CFAP299: variants seen among roughly 807,000 people sequenced by gnomAD.
CFAP299 encodes the protein cilia- and flagella-associated protein 299.
In CFAP299, 21 loss-of-function variants were observed where a neutral mutation model predicts 27.0. The ratio of observed to expected loss-of-function variants is 0.78; its 90% CI spans 0.55 to 1.12. The LOEUF is 1.12. CFAP299 is among the 50% of genes most tolerant of loss of function. The pLI is 0.00. For missense variants in CFAP299, 310 were observed against 276.6 expected, an observed-to-expected ratio of 1.12 and a Z score of -0.86; for synonymous variants, 104 against 98.1, an observed-to-expected ratio of 1.06 and a Z score of -0.36.
intron 3 of CFAP299, among the ~76,000 whole-genome samples, chr4:80,748,239 G>A (rs1017027481): frequency 1.3e-5 from 2 of 152,012 alleles, no homozygotes; most frequent in Admixed American, 6.6e-5. Context: ...CTAAGTTATC[G>A]ACAGATTGAT....
At chr4:80,481,009 T>G (rs914140551) in intron 2 of CFAP299, among the ~76,000 whole-genome samples, 2 of 152,026 alleles carry the variant, frequency 1.3e-5, no homozygotes, top group Non-Finnish European at 2.9e-5. Context: ...CATATAATGT[T>G]TTATACCATT....
chr4:80,712,704 A>G (rs913811970), intron 3 of CFAP299, among the ~76,000 whole-genome samples: 3 of 152,214 alleles, frequency 2.0e-5, no homozygotes, highest in Non-Finnish European at 2.9e-5. Flanking sequence ...ATGAATTAGT[A>G]TGTTTTTCCC....
chr4:80,381,105 T>A (rs1446608344), intron 2 of CFAP299, among the ~76,000 whole-genome samples: 1 of 152,224 alleles, frequency 6.6e-6, no homozygotes, highest in African/African-American at 2.4e-5. Flanking sequence ...CAAGCATGTC[T>A]GTTCTTCTGG....
At chr4:80,882,808 T>C (rs912023467) in intron 4 of CFAP299, among the ~76,000 whole-genome samples, 4 of 151,750 alleles carry the variant, frequency 2.6e-5, no homozygotes, top group Non-Finnish European at 5.9e-5. Flanking sequence ...CCAAAAATAA[T>C]ATACGAGCAA....
chr4:80,751,075 G>T (rs554066219), intron 3 of CFAP299, among the ~76,000 whole-genome samples: 8 of 152,248 alleles, frequency 5.3e-5, no homozygotes, highest in Admixed American at 5.2e-4. Flanking sequence ...AGGTGTTGTG[G>T]TCATCTGGAA....
At chr4:80,801,982 G>A (rs1030274200) in intron 3 of CFAP299, among the ~76,000 whole-genome samples, 1 of 151,966 alleles carries the variant, frequency 6.6e-6, no homozygotes, top group Non-Finnish European at 1.5e-5. Context: ...ATGTTGTTTT[G>A]TCTCTAAAAA....
At chr4:80,331,244 T>C (rs1038086164), upstream of CFAP299, among the ~76,000 whole-genome samples, 5 of 152,172 alleles carry the variant, frequency 3.3e-5, no homozygotes, top group African/African-American at 1.2e-4. Context: ...ACATGTAACG[T>C]GTGCAGTAGA....
intron 3 of CFAP299, among the ~76,000 whole-genome samples, chr4:80,670,609 T>C (rs1188954198): frequency 6.6e-6 from 1 of 152,206 alleles, no homozygotes; most frequent in East Asian, 1.9e-4. Context: ...CTACCAATAG[T>C]GTAAAGGCGG....
Position 80,962,988 on chromosome 4 carries a change from T to A in CFAP299, c.607-529T>A, listed in dbSNP as rs28502492. On this transcript the variant is annotated intron_variant, in intron 5 of 5. Transcript: ENST00000358105. ...CTATGCTAATTTTTTTTAAAAAAGA[T>A]GAAATCCTTTTAAAAGGTTATAATT... Among the ~76,000 whole-genome samples the A allele has an allele frequency of 5.4e-3, 826 of 151,980 alleles. 8 individuals carry two copies. Among genetic ancestry groups the A allele is most frequent in the African/African-American group, 0.019 (792 of 41,494 alleles).
At chr4:80,716,031 A>G (rs1722459726) in intron 3 of CFAP299, among the ~76,000 whole-genome samples, 1 of 152,072 alleles carries the variant, frequency 6.6e-6, no homozygotes, top group Admixed American at 6.6e-5. Flanking sequence ...AAAATCCTTC[A>G]AACTAACTAG....
At chr4:80,478,159 A>G (rs1195399915) in intron 2 of CFAP299, among the ~76,000 whole-genome samples, 1 of 152,194 alleles carries the variant, frequency 6.6e-6, no homozygotes, top group African/African-American at 2.4e-5. Context: ...GTGATAAAGG[A>G]TGTCGTACCT....
intron 4 of CFAP299, among the ~76,000 whole-genome samples, chr4:80,927,118 A>C (rs1280110800): frequency 1.3e-5 from 2 of 152,114 alleles, no homozygotes; most frequent in Non-Finnish European, 2.9e-5. Context: ...GCTTAGTGAA[A>C]AGTCAAAGGC....
chr4:80,684,362 C>A (rs1328019040), intron 3 of CFAP299, among the ~76,000 whole-genome samples: 2 of 152,042 alleles, frequency 1.3e-5, no homozygotes, highest in Non-Finnish European at 2.9e-5. Flanking sequence ...CTCCCAGGTT[C>A]ACACCATTCT....
rs567919630 is a variant in CFAP299 at position 80,766,918 on chromosome 4, C to T, written c.334-103075C>T. ...TGTATTTATGTGTATGTGTATGTAG[C>T]GAAAGAGTAAATTTCAGTTCTAAGG... On this transcript the variant is annotated intron_variant, in intron 3 of 5. Coordinates refer to ENST00000358105, the MANE Select transcript of CFAP299 (RefSeq NM_152770.3). Among the ~76,000 whole-genome samples, 7 of 152,080 alleles carry T rather than the reference C, an allele frequency of 4.6e-5. 1 individual carries two copies. Among genetic ancestry groups the T allele is most frequent in the South Asian group, 4.1e-4 (2 of 4,820 alleles).
At chr4:80,942,862 T>G (rs1179923770) in intron 4 of CFAP299, among the ~76,000 whole-genome samples, 1 of 152,232 alleles carries the variant, frequency 6.6e-6, no homozygotes, top group Non-Finnish European at 1.5e-5. Context: ...ATATCCTAAC[T>G]GAAAAGTCAG....
intron 2 of CFAP299, among the ~76,000 whole-genome samples, chr4:80,455,972 A>G (rs1729133430): frequency 6.6e-6 from 1 of 152,202 alleles, no homozygotes; most frequent in African/African-American, 2.4e-5. Flanking sequence ...ATATGCTATG[A>G]TAGATGGTCA....
chr4:80,708,309 C>T (rs902886322), intron 3 of CFAP299, among the ~76,000 whole-genome samples: 1 of 151,832 alleles, frequency 6.6e-6, no homozygotes, highest in Non-Finnish European at 1.5e-5. Context: ...CTTTGCAGAC[C>T]ACCTAGATAA....
At chr4:80,868,360 G>C (rs1732870608) in intron 3 of CFAP299, among the ~76,000 whole-genome samples, 2 of 152,066 alleles carry the variant, frequency 1.3e-5, no homozygotes, top group Admixed American at 1.3e-4. Context: ...TATTGTTTTG[G>C]TCTGAAGATG....
intron 2 of CFAP299, among the ~76,000 whole-genome samples, chr4:80,477,558 C>T (rs1730345730): frequency 6.6e-6 from 1 of 152,144 alleles, no homozygotes; most frequent in Admixed American, 6.5e-5. Flanking sequence ...ACGATCACAC[C>T]TTAGATCTTG....
Sources: allele counts gnomAD v4.1 joint callset (sites outside exome capture counted in the v4.1 genomes callset), GRCh38; gene constraint gnomAD v4.1.1; transcripts MANE v1.5; gene names NCBI Gene and HGNC (gene_info 2026-07-23, HGNC 2026-07-21).